Variants in AP2A2 observed in about 807,000 individuals in gnomAD.
AP2A2 encodes the protein AP-2 complex subunit alpha-2.
AP2A2 carries 32 observed loss-of-function variants against 104.2 expected under a neutral mutation model. The observed-to-expected ratio is 0.31, with a 90% CI of 0.23 to 0.41. The LOEUF (loss-of-function observed/expected upper bound fraction) is 0.41. AP2A2 is among the 10% of genes least tolerant of loss of function. The probability of loss-of-function intolerance (pLI) is 1.00; values close to 1 mark genes in which losing one functional copy is unlikely to be tolerated. For missense variants in AP2A2, 912 were observed against 1,261.0 expected, an observed-to-expected ratio of 0.72 and a Z score of 4.19; for synonymous variants, 539 against 533.3, an observed-to-expected ratio of 1.01 and a Z score of -0.15.
rs373243857 is a variant in AP2A2 at position 932,242 on chromosome 11, T to C, written c.67+6154T>C. ...TGCTGGGATTACAGGCGTGAGCCCCTGTGCCTGGCCATTTCTGTTAACTTT... is the reference window on the plus strand; with the variant it reads ...TGCTGGGATTACAGGCGTGAGCCCCCGTGCCTGGCCATTTCTGTTAACTTT... On this transcript the variant is annotated intron_variant, in intron 1 of 21. Coordinates refer to ENST00000448903, the MANE Select transcript of AP2A2 (RefSeq NM_012305.4). Among the ~76,000 whole-genome samples, 3 of 152,234 alleles carry C rather than the reference T, an allele frequency of 2.0e-5. No homozygotes were observed. The East Asian group carries it at 5.8e-4, about 29-fold the overall frequency.
At chr11:981,871 C>T (rs752960335) in intron 6 of AP2A2, among the ~76,000 whole-genome samples, 2 of 152,250 alleles carry the variant, frequency 1.3e-5, no homozygotes, top group Admixed American at 6.5e-5. Context: ...TCCATGTGCA[C>T]GAGATGGCTC....
At chr11:954,638 G>A (rs1171197578) in intron 1 of AP2A2, among the ~76,000 whole-genome samples, 1 of 151,954 alleles carries the variant, frequency 6.6e-6, no homozygotes, top group African/African-American at 2.4e-5. Context: ...GTGCTTGTAC[G>A]TGTATTTGTG....
At chr11:933,348 A>G (rs534394225) in intron 1 of AP2A2, among the ~76,000 whole-genome samples, 75 of 152,366 alleles carry the variant, frequency 4.9e-4, no homozygotes, top group African/African-American at 1.8e-3. Flanking sequence ...TTATAAAACC[A>G]CATTTGCTGA....
rs1856321733 is a variant in AP2A2 at position 1,009,397 on chromosome 11, G to A, written c.2607G>A (p.Lys869=). The A allele has an allele frequency of 6.2e-7, 1 of 1,612,728 alleles. No individual in the cohort carries two copies. Among genetic ancestry groups the A allele is most frequent in the Non-Finnish European group, 8.5e-7 (1 of 1,179,198 alleles). ...TGGACACAGAAGTCACCAAAGCCAAGGTAACACGTCTGGAGGGACGGCCCC... is the reference window on the plus strand; with the variant it reads ...TGGACACAGAAGTCACCAAAGCCAAAGTAACACGTCTGGAGGGACGGCCCC... The part of the protein sequence containing the change: ...HPMDTEVTKA[K]IIGFGSALLE... Residue 869 remains lysine, a splice_region_variant and synonymous_variant, in exon 20 of 22, where the codon AAG becomes AAA. Coordinates refer to ENST00000448903, the MANE Select transcript of AP2A2 (RefSeq NM_012305.4).
chr11:977,068 G>C (rs201561885), intron 4 of AP2A2, 27 bp from the exon 5 acceptor site: 858 of 1,612,906 alleles, frequency 5.3e-4, no homozygotes, highest in Non-Finnish European at 6.9e-4. Flanking sequence ...AGCCTGTTGC[G>C]AGTGACTCTT....
chr11:926,191 GGGATGCGGGCGGGGCCCGGGGCCTGA>G, intron 1 of AP2A2, 103 bp downstream of exon 1: 4 of 840,328 alleles, frequency 4.8e-6, no homozygotes, highest in Non-Finnish European at 6.3e-6. Flanking sequence ...GGTGCAGGCT[GGGATGCGGGCGGGGCCCGGGGCCTGA>G]GGGTGCGGGC....
At chr11:1,007,836 A>T in intron 17 of AP2A2, 176 bp from the exon 18 acceptor site, 1 of 810,546 alleles carries the variant, frequency 1.2e-6, no homozygotes, top group Non-Finnish European at 2.0e-6. Context: ...CAGTGTTTTG[A>T]GGATTGTCTG....
chr11:932,547 C>T, intron 1 of AP2A2: 4 of 333,522 alleles, frequency 1.2e-5, no homozygotes, highest in South Asian at 4.7e-5. Flanking sequence ...CTGTACATTC[C>T]TAAAAAGTGC....
chr11:983,839 C>T (rs757711498), intron 6 of AP2A2, among the ~76,000 whole-genome samples: 1 of 152,184 alleles, frequency 6.6e-6, no homozygotes, highest in South Asian at 2.1e-4. Context: ...CTGTGTGTCA[C>T]GGAAGTGCTG....
At position 977,049 on chromosome 11, in the gene AP2A2, G is replaced by GC. The variant is rs745983771; in HGVS notation, c.474-45dup. The GC allele has an allele frequency of 1.9e-6, 3 of 1,610,530 alleles. No individual in the cohort carries two copies. The South Asian group carries it at 3.3e-5, about 18-fold the overall frequency. On this transcript the variant is annotated intron_variant, in intron 4 of 21. Coordinates refer to ENST00000448903, the MANE Select transcript of AP2A2 (RefSeq NM_012305.4). ...GGGGGGGTGCTCCGTGCAGCTCTGC[G>GC]CTGTCTTCAGCCTGTTGCGAGTGAC... is the stretch of plus-strand genomic sequence containing the variant.
At chr11:998,062 C>T (rs545129559) in intron 14 of AP2A2, among the ~76,000 whole-genome samples, 112 of 152,402 alleles carry the variant, frequency 7.3e-4, no homozygotes, top group African/African-American at 2.5e-3. Flanking sequence ...ACGCAGCTCA[C>T]AGCTTTGTCA....
chr11:991,067 C>T (rs192088428), intron 10 of AP2A2, among the ~76,000 whole-genome samples: 40 of 151,160 alleles, frequency 2.6e-4, no homozygotes, highest in Non-Finnish European at 5.2e-4. Context: ...TCCTTTCAGC[C>T]GGGTATGGTG....
At chr11:963,507 A>G (rs2134583900) in intron 2 of AP2A2, among the ~76,000 whole-genome samples, 1 of 152,320 alleles carries the variant, frequency 6.6e-6, no homozygotes, top group East Asian at 1.9e-4. Flanking sequence ...GTCACACTTA[A>G]GAGTGAGTCT....
chr11:981,375 A>T (rs1855234599), intron 6 of AP2A2, 76 bp downstream of exon 6: 1 of 1,232,004 alleles, frequency 8.1e-7, no homozygotes, highest in South Asian at 1.3e-5. Flanking sequence ...TATTTGTAGA[A>T]TGCAAGGTAT....
intron 15 of AP2A2, among the ~76,000 whole-genome samples, chr11:1,003,381 T>A (rs1856089211): frequency 6.6e-6 from 1 of 152,240 alleles, no homozygotes; most frequent in African/African-American, 2.4e-5. Flanking sequence ...GGATGGAGTC[T>A]GTGGTGGGGC....
At chr11:999,051 G>C (rs1247537072) in intron 14 of AP2A2, among the ~76,000 whole-genome samples, 1 of 152,198 alleles carries the variant, frequency 6.6e-6, no homozygotes, top group Non-Finnish European at 1.5e-5. Flanking sequence ...CTGTGGGGCA[G>C]GACCCGTGGA....
chr11:935,550 C>T (rs1272400888), intron 1 of AP2A2, among the ~76,000 whole-genome samples: 1 of 149,918 alleles, frequency 6.7e-6, no homozygotes. Context: ...GATGCGCCTG[C>T]CTTGGGCCCC....
At chr11:1,007,632 G>A (rs1035754129) in intron 17 of AP2A2, 4 of 288,346 alleles carry the variant, frequency 1.4e-5, no homozygotes, top group African/African-American at 2.3e-5. Flanking sequence ...TCTGTGTCTC[G>A]CTGTTTCAGG....
At chr11:1,010,101 C>A (rs1856370191) in intron 21 of AP2A2, 1 of 491,682 alleles carries the variant, frequency 2.0e-6, no homozygotes, top group Non-Finnish European at 3.7e-6. Context: ...CAGCTGGCCA[C>A]CGTGGAGCAT....
Sources: gnomAD v4.1 joint callset for allele counts (sites outside exome capture counted in the v4.1 genomes callset) on GRCh38, gnomAD v4.1.1 for gene constraint, MANE v1.5 for transcripts, NCBI Gene and HGNC (gene_info 2026-07-23, HGNC 2026-07-21) for gene names.